Variants in ITPR1 observed in about 807,000 individuals in gnomAD.
ITPR1 encodes inositol 1,4,5-trisphosphate receptor type 1, also known as inositol 1,4,5-trisphosphate-gated calcium channel ITPR1.
In ITPR1, 96 loss-of-function variants were observed where a neutral mutation model predicts 318.4. The ratio of observed to expected loss-of-function variants is 0.30; its 90% CI spans 0.26 to 0.36. The LOEUF (loss-of-function observed/expected upper bound fraction) is 0.36, where lower values mean the gene tolerates loss of function less well. Among genes scored for constraint, ITPR1 ranks in the 10% least tolerant of loss-of-function variants. The pLI is 1.00. For synonymous variants in ITPR1, 1,312 were observed against 1,289.9 expected, an observed-to-expected ratio of 1.02 and a Z score of -0.37; for missense variants, 2,440 against 3,460.2, an observed-to-expected ratio of 0.71 and a Z score of 7.40.
chr3:4,535,382 G>A (rs1559402496), intron 4 of ITPR1, among the ~76,000 whole-genome samples: 1 of 148,344 alleles, frequency 6.7e-6, no homozygotes, highest in African/African-American at 2.5e-5. Flanking sequence ...AAGGACACTT[G>A]TTGGTGATCT....
At chr3:4,817,821 A>C (rs1249524584) in intron 59 of ITPR1, among the ~76,000 whole-genome samples, 2 of 152,232 alleles carry the variant, frequency 1.3e-5, no homozygotes, top group Non-Finnish European at 2.9e-5. Context: ...TTCACTAACA[A>C]GGCCACTAAG....
intron 13 of ITPR1, among the ~76,000 whole-genome samples, chr3:4,659,208 A>AG (rs1377410646): frequency 1.3e-5 from 2 of 152,194 alleles, no homozygotes; most frequent in African/African-American, 4.8e-5. Context: ...ATCCATTCAG[A>AG]GGTAGCTACT....
At chr3:4,518,536 C>T (rs866255743) in intron 3 of ITPR1, among the ~76,000 whole-genome samples, 1 of 151,966 alleles carries the variant, frequency 6.6e-6, no homozygotes, top group African/African-American at 2.4e-5. Context: ...GTTTGACAAC[C>T]CTTCCTGTTT....
intron 58 of ITPR1, chr3:4,814,770 T>C (rs960631276): frequency 1.6e-6 from 1 of 619,616 alleles, no homozygotes; most frequent in South Asian, 2.0e-5. Flanking sequence ...AAGGGTTGGC[T>C]TTGGCTCTCT....
At chr3:4,792,918 G>A (rs146701365) in intron 52 of ITPR1, among the ~76,000 whole-genome samples, 8 of 152,286 alleles carry the variant, frequency 5.3e-5, no homozygotes, top group East Asian at 1.9e-4. Context: ...GACACAAAGC[G>A]AGTGTGCAGA....
intron 2 of ITPR1, among the ~76,000 whole-genome samples, chr3:4,509,153 T>C (rs1039561223): frequency 6.6e-6 from 1 of 152,202 alleles, no homozygotes; most frequent in Non-Finnish European, 1.5e-5. Context: ...CTGAGAAATA[T>C]GAAAGGTTGC....
intron 14 of ITPR1, among the ~76,000 whole-genome samples, chr3:4,661,492 A>G (rs2093831851): frequency 6.6e-6 from 1 of 152,114 alleles, no homozygotes; most frequent in Non-Finnish European, 1.5e-5. Context: ...TATTTCATGA[A>G]TGTTCTCTCC....
In ITPR1 at chr3:4,668,761, C is replaced by T. The variant is rs557823272; in HGVS notation, c.1887-893C>T. 5.3e-5 allele frequency among the ~76,000 whole-genome samples: 8 copies of T among 152,316 alleles called. No individual in the cohort carries two copies. The South Asian group carries it at 1.2e-3, about 24-fold the overall frequency. On this transcript the variant is annotated intron_variant, in intron 18 of 61. Transcript: ENST00000649015. The stretch of plus-strand genomic sequence containing the variant: ...GATTACAGGCGTGAGCCACCGCGCT[C>T]GGCCTCATTCACTTTTTAGCACCTC...
At chr3:4,845,517 C>A (rs1191328135) in intron 61 of ITPR1, among the ~76,000 whole-genome samples, 1 of 152,210 alleles carries the variant, frequency 6.6e-6, no homozygotes, top group Non-Finnish European at 1.5e-5. Context: ...CTCGCCTGAC[C>A]TTCAGCGAGC....
At position 4,834,712 on chromosome 3, in the gene ITPR1, T is replaced by C. The variant is rs3805031; in HGVS notation, c.8029-2062T>C. ...CAGGAGAGATGAGTACAGTCAACGA[T>C]AGGCCACTGCAGCTGCACGGGAGAA... On this transcript the variant is annotated intron_variant, in intron 60 of 61. Transcript: ENST00000649015. Among the ~76,000 whole-genome samples the C allele has an allele frequency of 5.9e-5, 9 of 152,292 alleles. No homozygotes were observed. The East Asian group carries it at 1.4e-3, about 23-fold the overall frequency.
chr3:4,565,046 C>T (rs926574046), intron 4 of ITPR1, among the ~76,000 whole-genome samples: 12 of 152,270 alleles, frequency 7.9e-5, no homozygotes, highest in South Asian at 6.2e-4. Flanking sequence ...TGCTCAGACA[C>T]CTGGAAGCCA....
chr3:4,642,748 G>A (rs1302845669), intron 7 of ITPR1, among the ~76,000 whole-genome samples: 2 of 152,154 alleles, frequency 1.3e-5, no homozygotes, highest in African/African-American at 2.4e-5. Context: ...CTGGAGCAGG[G>A]CCCACTCCTG....
intron 4 of ITPR1, among the ~76,000 whole-genome samples, chr3:4,567,540 C>T (rs150881536): frequency 4.6e-4 from 70 of 152,048 alleles, no homozygotes; most frequent in African/African-American, 1.4e-3. Flanking sequence ...CAACCACGTG[C>T]GGTGGGCTTG....
At position 4,520,972 on chromosome 3, in the gene ITPR1, AAG is replaced by A. The variant is rs1413381693; in HGVS notation, c.93-49_93-48del. On this transcript the variant is annotated intron_variant, in intron 3 of 61. Transcript: ENST00000649015. ...GGATATCTGATTTTTGCATAGTGCT[AAG>A]AGTTTCATTTTCATACACTTGACAG... 9 of 1,353,434 alleles carry A rather than the reference AAG, an allele frequency of 6.6e-6. No homozygotes were observed. The African/African-American group carries it at 1.0e-4, about 15-fold the overall frequency. The allele number at this position is 1,353,434 out of a possible 1,614,324, so 83.8% of individuals were successfully genotyped here. A position where few individuals can be genotyped will look rare whatever the true frequency, so the allele number is the denominator to read the frequency against.
intron 2 of ITPR1, among the ~76,000 whole-genome samples, chr3:4,511,755 T>C (rs2081842956): frequency 6.6e-6 from 1 of 152,186 alleles, no homozygotes; most frequent in Non-Finnish European, 1.5e-5. Context: ...GCACTTTGAC[T>C]CTGGAGCCTC....
chr3:4,741,547 C>CT (rs5846335), intron 44 of ITPR1, among the ~76,000 whole-genome samples: 3 of 147,990 alleles, frequency 2.0e-5, no homozygotes, highest in African/African-American at 7.4e-5. Context: ...ACACCACACT[C>CT]TTTTTTTTTT....
Position 4,683,539 on chromosome 3 carries a change from G to C in ITPR1, c.3315G>C (p.Gln1105His). ...RHFSQRQEVLQAFKQVQLLVT... is the reference protein window; with the variant it reads ...RHFSQRQEVLHAFKQVQLLVT... ...TCAGCCAGAGGCAGGAGGTGCTCCA[G>C]GCCTTCAAACAGGTAGCTCAGGTCA... Residue 1105 changes from glutamine (Q) to histidine (H), a missense_variant, in exon 27 of 62, where the codon CAG becomes CAC. Physicochemically the swap from Gln to His is conservative, Grantham distance 24 (BLOSUM62 0). Coordinates refer to ENST00000649015, the MANE Select transcript of ITPR1 (RefSeq NM_001378452.1). The C allele has an allele frequency of 6.2e-7, 1 of 1,613,908 alleles. No homozygotes were observed.
intron 4 of ITPR1, among the ~76,000 whole-genome samples, chr3:4,563,886 C>T (rs1379669097): frequency 3.9e-5 from 6 of 151,984 alleles, no homozygotes; most frequent in African/African-American, 7.2e-5. Flanking sequence ...ATGGCTTGAA[C>T]GACAGAAATT....
intron 29 of ITPR1, 50 bp from the exon 30 acceptor site, chr3:4,685,019 T>C (rs1355542736): frequency 2.5e-6 from 4 of 1,582,636 alleles, no homozygotes; most frequent in Non-Finnish European, 3.4e-6. Flanking sequence ...GCAATCTTTT[T>C]CCAGCTATAG....
Sources: allele counts gnomAD v4.1 joint callset (sites outside exome capture counted in the v4.1 genomes callset), GRCh38; gene constraint gnomAD v4.1.1; transcripts MANE v1.5; gene names NCBI Gene and HGNC (gene_info 2026-07-23, HGNC 2026-07-21).